NRG1: variants seen among roughly 807,000 people sequenced by gnomAD.
The protein encoded by NRG1 is neuregulin 1.
In NRG1, 18 loss-of-function variants were observed where a neutral mutation model predicts 63.8. The observed-to-expected ratio is 0.28, with a 90% CI of 0.19 to 0.42. The LOEUF (loss-of-function observed/expected upper bound fraction) is 0.42. NRG1 is among the 10% of genes least tolerant of loss of function. NRG1 has a pLI of 1.00. For missense variants in NRG1, 762 were observed against 814.7 expected (o/e 0.94, Z 0.79); for synonymous variants, 302 against 301.3 (o/e 1.00, Z -0.02).
At chr8:32,577,858 T>G (rs946541862) in intron 1 of NRG1, among the ~76,000 whole-genome samples, 1 of 152,146 alleles carries the variant, frequency 6.6e-6, no homozygotes, top group African/African-American at 2.4e-5. Context: ...CTTTGTAACT[T>G]CATCTGTGCC....
intron 1 of NRG1, among the ~76,000 whole-genome samples, chr8:31,801,161 T>A (rs1323258676): frequency 6.6e-6 from 1 of 152,130 alleles, no homozygotes; most frequent in Non-Finnish European, 1.5e-5. Context: ...CAGTGTCCTA[T>A]CTCAATTCTT....
chr8:32,556,842 C>G (rs931023594), intron 1 of NRG1, among the ~76,000 whole-genome samples: 6 of 152,232 alleles, frequency 3.9e-5, no homozygotes, highest in African/African-American at 7.2e-5. Context: ...AGCACAGTCT[C>G]TTTAGCAATC....
chr8:32,584,630 T>A (rs1841301461), intron 1 of NRG1, among the ~76,000 whole-genome samples: 1 of 152,172 alleles, frequency 6.6e-6, no homozygotes, highest in Non-Finnish European at 1.5e-5. Context: ...AAAGCCATAA[T>A]TACTAAGAAA....
chr8:32,611,231 C>A (rs944438540), intron 3 of NRG1, among the ~76,000 whole-genome samples: 2 of 151,562 alleles, frequency 1.3e-5, no homozygotes, highest in Non-Finnish European at 2.9e-5. Flanking sequence ...GGGCTTGTAG[C>A]AAAAAAATAG....
chr8:32,048,713 G>A (rs7465282), intron 1 of NRG1, among the ~76,000 whole-genome samples: 147,529 of 151,736 alleles, frequency 0.97, 71,855 homozygotes, highest in East Asian at 1. Flanking sequence ...CGTTTATCCA[G>A]TGATTAGTGA....
At chr8:32,346,996 CT>C (rs1427139540) in intron 1 of NRG1, among the ~76,000 whole-genome samples, 23 of 151,712 alleles carry the variant, frequency 1.5e-4, no homozygotes, top group Admixed American at 6.6e-5. Flanking sequence ...CGCCTGGCTA[CT>C]TTTTTATATT....
At chr8:31,912,917 A>T (rs1046926658) in intron 1 of NRG1, among the ~76,000 whole-genome samples, 4 of 152,158 alleles carry the variant, frequency 2.6e-5, no homozygotes, top group African/African-American at 9.7e-5. Flanking sequence ...TCCATATACA[A>T]AACTCACCTT....
chr8:32,067,801 A>G (rs187418480), intron 1 of NRG1, among the ~76,000 whole-genome samples: 1 of 152,310 alleles, frequency 6.6e-6, no homozygotes, highest in East Asian at 1.9e-4. Context: ...CTAAGAAAAT[A>G]TAAACATTTT....
chr8:32,608,993 C>A (rs921879230), intron 3 of NRG1, among the ~76,000 whole-genome samples: 1 of 152,136 alleles, frequency 6.6e-6, no homozygotes, highest in Admixed American at 6.5e-5. Flanking sequence ...AGAGAACTTA[C>A]AAATTATCTG....
chr8:32,627,212 C>T (rs1288689174), intron 5 of NRG1, among the ~76,000 whole-genome samples: 1 of 151,818 alleles, frequency 6.6e-6, no homozygotes, highest in South Asian at 2.1e-4. Context: ...TATAATTTAC[C>T]GTCAAGAATA....
intron 1 of NRG1, among the ~76,000 whole-genome samples, chr8:31,814,490 G>A (rs112904438): frequency 1.3e-3 from 195 of 152,174 alleles, no homozygotes; most frequent in Admixed American, 2.6e-3. Context: ...TTTAGTGCAA[G>A]GTCTGGCACA....
intron 1 of NRG1, among the ~76,000 whole-genome samples, chr8:32,417,079 A>C (rs1287055715): frequency 6.6e-6 from 1 of 152,136 alleles, no homozygotes; most frequent in Non-Finnish European, 1.5e-5. Context: ...TTAAGGTAAA[A>C]AGGGAAAGGC....
chr8:32,196,008 G>A (rs1842913180), intron 1 of NRG1, among the ~76,000 whole-genome samples: 1 of 151,950 alleles, frequency 6.6e-6, no homozygotes, highest in African/African-American at 2.4e-5. Context: ...TAAAGTACAG[G>A]CACTAACATA....
chr8:32,213,011 C>A (rs1563915270), intron 1 of NRG1, among the ~76,000 whole-genome samples: 1 of 152,128 alleles, frequency 6.6e-6, no homozygotes, highest in Admixed American at 6.6e-5. Context: ...CCCCTAAACT[C>A]CTTTTTACCT....
chr8:32,244,807 A>C (rs1464105343), intron 1 of NRG1, among the ~76,000 whole-genome samples: 1 of 152,180 alleles, frequency 6.6e-6, no homozygotes, highest in African/African-American at 2.4e-5. Context: ...AGTAGTGGCA[A>C]AGGCCAGTTG....
chr8:32,156,035 C>A (rs1182699124), intron 1 of NRG1, among the ~76,000 whole-genome samples: 1 of 152,168 alleles, frequency 6.6e-6, no homozygotes, highest in Admixed American at 6.5e-5. Context: ...AATGTCACCC[C>A]ACTGAATGGC....
chr8:32,586,752 C>T (rs765998263), intron 1 of NRG1, among the ~76,000 whole-genome samples: 109 of 152,176 alleles, frequency 7.2e-4, no homozygotes, highest in Non-Finnish European at 1.2e-3. Flanking sequence ...TCATTAGGTA[C>T]CTTACATGAA....
At chr8:31,769,272 G>A (rs967351195) in intron 1 of NRG1, among the ~76,000 whole-genome samples, 2 of 152,152 alleles carry the variant, frequency 1.3e-5, no homozygotes, top group African/African-American at 2.4e-5. Context: ...CTCTGTCACA[G>A]CTCATCTTGC....
intron 6 of NRG1, among the ~76,000 whole-genome samples, chr8:32,736,163 A>G (rs893229598): frequency 2.0e-5 from 3 of 152,248 alleles, no homozygotes; most frequent in Non-Finnish European, 4.4e-5. Flanking sequence ...TCTTTTGCAG[A>G]TGATGCTAGA....
Sources: gnomAD v4.1 joint callset for allele counts (sites outside exome capture counted in the v4.1 genomes callset) on GRCh38, gnomAD v4.1.1 for gene constraint, MANE v1.5 for transcripts, NCBI Gene and HGNC (gene_info 2026-07-23, HGNC 2026-07-21) for gene names.